FNDC1: variants seen among roughly 807,000 people sequenced by gnomAD.
FNDC1 encodes fibronectin type III domain containing 1, also known as fibronectin type III domain-containing protein 1.
FNDC1 carries 96 observed loss-of-function variants against 168.0 expected under a neutral mutation model. The ratio of observed to expected loss-of-function variants is 0.57; its 90% CI spans 0.48 to 0.68. The LOEUF is 0.68. Ranked by LOEUF, FNDC1 falls within the 30% of genes least tolerant of loss-of-function variation. FNDC1 has a pLI of 0.00. For synonymous variants in FNDC1, 1,099 were observed against 1,025.9 expected, an observed-to-expected ratio of 1.07 and a Z score of -1.36; for missense variants, 2,587 against 2,482.1, an observed-to-expected ratio of 1.04 and a Z score of -0.90.
At chr6:159,246,823 C>T in intron 14 of FNDC1, 78 bp from the exon 15 acceptor site, 2 of 998,186 alleles carry the variant, frequency 2.0e-6, no homozygotes, top group Non-Finnish European at 3.2e-6. Context: ...AATGAATTGT[C>T]ACGCTCTGGG....
chr6:159,234,498 C>A lies in FNDC1; in HGVS notation c.3967+19C>A, dbSNP rs79663819. 4 of 1,611,122 alleles carry A rather than the reference C, an allele frequency of 2.5e-6. No individual in the cohort carries two copies. Among genetic ancestry groups the A allele is most frequent in the Non-Finnish European group, 3.4e-6 (4 of 1,178,688 alleles). On this transcript the variant is annotated intron_variant, in intron 11 of 22. Coordinates refer to ENST00000297267, the MANE Select transcript of FNDC1 (RefSeq NM_032532.3). Reference sequence around the variant, plus strand: ...AGACAAGGTAGTTTATTTTTTCAAACAGTCTTTCTTTAAGGTGTTCAGTGG... The same window carrying A: ...AGACAAGGTAGTTTATTTTTTCAAAAAGTCTTTCTTTAAGGTGTTCAGTGG...
At chr6:159,263,492 G>A (rs1310510944) in intron 19 of FNDC1, among the ~76,000 whole-genome samples, 1 of 152,160 alleles carries the variant, frequency 6.6e-6, no homozygotes, top group African/African-American at 2.4e-5. Flanking sequence ...GCTGGCCACG[G>A]TGGCTCACTC....
chr6:159,223,120 C>A (rs1410273831), intron 6 of FNDC1, among the ~76,000 whole-genome samples: 1 of 151,704 alleles, frequency 6.6e-6, no homozygotes, highest in Non-Finnish European at 1.5e-5. Flanking sequence ...CTCAGCCTCC[C>A]GAGTATTTGG....
intron 1 of FNDC1, among the ~76,000 whole-genome samples, chr6:159,188,520 G>A (rs1183342869): frequency 6.6e-6 from 1 of 151,436 alleles, no homozygotes; most frequent in Non-Finnish European, 1.5e-5. Context: ...GACTACAGGT[G>A]CCCGCCACCA....
intron 6 of FNDC1, among the ~76,000 whole-genome samples, chr6:159,222,108 T>G (rs948600541): frequency 6.6e-6 from 1 of 152,204 alleles, no homozygotes; most frequent in African/African-American, 2.4e-5. Flanking sequence ...TGCATTAAAA[T>G]GGCATTGAGA....
At chr6:159,181,559 A>G (rs150097053) in intron 1 of FNDC1, among the ~76,000 whole-genome samples, 81 of 152,354 alleles carry the variant, frequency 5.3e-4, no homozygotes, top group Non-Finnish European at 6.3e-4. Flanking sequence ...ATGTAGCAAT[A>G]TAGGATCATC....
chr6:159,261,389 T>A (rs1233607872), intron 19 of FNDC1, 120 bp downstream of exon 19: 23 of 655,824 alleles, frequency 3.5e-5, no homozygotes, highest in Non-Finnish European at 1.3e-5. Flanking sequence ...TCATGTTGGA[T>A]ATCAGTTTCT....
chr6:159,244,042 G>T (rs1012983890), intron 14 of FNDC1, among the ~76,000 whole-genome samples: 1 of 152,098 alleles, frequency 6.6e-6, no homozygotes, highest in Non-Finnish European at 1.5e-5. Context: ...CCCTTTTCTT[G>T]TTCACCCTGT....
intron 5 of FNDC1, among the ~76,000 whole-genome samples, chr6:159,217,427 C>A (rs1782731674): frequency 6.9e-6 from 1 of 144,370 alleles, no homozygotes. Flanking sequence ...CGAGGCCAGC[C>A]CCCTGGGTCC....
At position 159,197,433 on chromosome 6, in the gene FNDC1, G is replaced by T. The variant is rs371692854; in HGVS notation, c.112G>T (p.Asp38Tyr). The T allele has an allele frequency of 2.6e-5, 42 of 1,610,394 alleles. No individual in the cohort carries two copies. The highest frequency in any genetic ancestry group is 3.3e-5 in the Non-Finnish European group (39 of 1,178,536). Residue 38 changes from aspartate (D) to tyrosine (Y), a missense_variant and splice_region_variant, in exon 2 of 23, where the codon GAC becomes TAC. Asp to Tyr is a radical substitution (Grantham distance 160, BLOSUM62 -3). Transcript: ENST00000297267. The part of the protein sequence containing the change: ...PVASSAAASV[D>Y]HPLKPRHVKL... ...TGATAGTTGCGCTGTTTACATAGTT[G>T]ACCACCCACTGAAGCCAAGGCATGT...
chr6:159,189,450 T>C (rs1294562174), intron 1 of FNDC1, among the ~76,000 whole-genome samples: 1 of 152,212 alleles, frequency 6.6e-6, no homozygotes, highest in African/African-American at 2.4e-5. Context: ...CTTTACTGGA[T>C]AGACAGAAAT....
rs375233279 is a variant in FNDC1 at position 159,239,734 on chromosome 6, G to A, written c.4398G>A (p.Pro1466=). Residue 1466 remains proline (P), a synonymous_variant, in exon 14 of 23, where the codon CCG becomes CCA. Transcript: ENST00000297267. ...TTTPLPTTTT[P]RPTTATTRRT... ...CGCCCCTGCCTACCACTACAACCCC[G>A]AGGCCCACCACTGCCACCACCCGCC... 2,238 of 1,547,686 alleles carry A rather than the reference G, an allele frequency of 1.4e-3. 3 individuals carry two copies. The highest frequency in any genetic ancestry group is 1.8e-3 in the Non-Finnish European group (2,082 of 1,144,814).
Position 159,192,597 on chromosome 6 carries a change from G to T in FNDC1, c.110-4834G>T, listed in dbSNP as rs565554806. ...GGACAGGTGGTGTTGTCTGAACCAAGATTTTGAATAATTGGATATTGAATT... is the reference window on the plus strand; with the variant it reads ...GGACAGGTGGTGTTGTCTGAACCAATATTTTGAATAATTGGATATTGAATT... On this transcript the variant is annotated intron_variant, in intron 1 of 22. Transcript: ENST00000297267. Among the ~76,000 whole-genome samples, 5 of 152,318 alleles carry T rather than the reference G, an allele frequency of 3.3e-5. No homozygotes were observed. The South Asian group carries it at 1.0e-3, about 32-fold the overall frequency.
At chr6:159,242,765 A>G (rs1014503367) in intron 14 of FNDC1, among the ~76,000 whole-genome samples, 3 of 152,184 alleles carry the variant, frequency 2.0e-5, no homozygotes, top group Non-Finnish European at 2.9e-5. Flanking sequence ...CCTATTTGGG[A>G]CATTTTGTAT....
chr6:159,245,944 C>T lies in FNDC1; in HGVS notation c.4622-957C>T, dbSNP rs1783530004. ...TTTTTTTGTATTTTTTTAGTAGAGA[C>T]GGGGTTTCACCAGGTTAGCCAGGAT... On this transcript the variant is annotated intron_variant, in intron 14 of 22. Transcript: ENST00000297267. Among the ~76,000 whole-genome samples, 4 of 18,552 alleles carry T rather than the reference C, an allele frequency of 2.2e-4. 2 individuals carry two copies. The highest frequency in any genetic ancestry group is 5.8e-4 in the Non-Finnish European group (4 of 6,880). The allele number at this position is 18,552 out of a possible 152,430, so 12.2% of individuals were successfully genotyped here.
intron 4 of FNDC1, 79 bp downstream of exon 4, chr6:159,200,660 A>C: frequency 1.8e-6 from 2 of 1,106,484 alleles, no homozygotes; most frequent in Non-Finnish European, 2.6e-6. Context: ...TCCGTCACAC[A>C]CATGTGCTCA....
Position 159,238,592 on chromosome 6 carries a change from A to G in FNDC1, c.4107A>G (p.Glu1369=). ...ATCGTGGGTTAGTATTGAATGCAGA[A>G]GGAAGGTACCTCCAAGATTCACATG... The part of the protein sequence containing the change: ...DLDRGLVLNA[E]GRYLQDSHGN... Residue 1369 remains glutamate, a synonymous_variant, in exon 13 of 23, where the codon GAA becomes GAG. Coordinates refer to ENST00000297267, the MANE Select transcript of FNDC1 (RefSeq NM_032532.3). 6.2e-7 allele frequency: 1 copy of G among 1,612,156 alleles called. No individual in the cohort carries two copies. Among genetic ancestry groups the G allele is most frequent in the Non-Finnish European group, 8.5e-7 (1 of 1,179,296 alleles).
chr6:159,190,165 A>T (rs1047167946), intron 1 of FNDC1, among the ~76,000 whole-genome samples: 1 of 152,208 alleles, frequency 6.6e-6, no homozygotes, highest in Non-Finnish European at 1.5e-5. Flanking sequence ...CCTGAGGGGC[A>T]GCCACAGCTT....
At chr6:159,257,894 G>T (rs901113404) in intron 18 of FNDC1, among the ~76,000 whole-genome samples, 3 of 140,206 alleles carry the variant, frequency 2.1e-5, no homozygotes, top group East Asian at 4.3e-4. Context: ...TAGAGAAAAT[G>T]GAGTCAATGT....
Sources: gnomAD v4.1 joint callset for allele counts (sites outside exome capture counted in the v4.1 genomes callset) on GRCh38, gnomAD v4.1.1 for gene constraint, MANE v1.5 for transcripts, NCBI Gene and HGNC (gene_info 2026-07-23, HGNC 2026-07-21) for gene names.